Variants in DYM observed in about 807,000 individuals in gnomAD.
The protein encoded by DYM is dymeclin, also known as dyggve-Melchior-Clausen syndrome protein.
Under a neutral mutation model 93.1 loss-of-function variants are expected in DYM, and 78 were observed. That is an observed-to-expected ratio of 0.84 (90% CI 0.70 to 1.01). The LOEUF (loss-of-function observed/expected upper bound fraction) is 1.01. DYM is among the 50% of genes least tolerant of loss of function. The pLI is 0.00. For synonymous variants in DYM, 321 were observed against 319.7 expected (o/e 1.00, Z -0.04); for missense variants, 789 against 845.0 (o/e 0.93, Z 0.82).
At chr18:49,146,783 T>G (rs78909284) in intron 15 of DYM, among the ~76,000 whole-genome samples, 120,737 of 152,018 alleles carry the variant, frequency 0.79, 50,594 homozygotes, top group East Asian at 0.91. Context: ...AGGTAATTTA[T>G]AGATTCAATG....
At chr18:49,047,770 C>T (rs943135463) in intron 17 of DYM, among the ~76,000 whole-genome samples, 1 of 152,180 alleles carries the variant, frequency 6.6e-6, no homozygotes, top group African/African-American at 2.4e-5. Context: ...GTCATGGAAT[C>T]AGGTGTCTAA....
At chr18:49,076,224 T>C (rs968396761) in intron 17 of DYM, among the ~76,000 whole-genome samples, 11 of 152,208 alleles carry the variant, frequency 7.2e-5, no homozygotes, top group African/African-American at 2.4e-4. Context: ...AATATAAAAA[T>C]AGTAGCAATC....
chr18:49,225,516 G>A (rs2093496780), intron 13 of DYM, among the ~76,000 whole-genome samples: 1 of 152,012 alleles, frequency 6.6e-6, no homozygotes, highest in African/African-American at 2.4e-5. Flanking sequence ...ACATCCCACT[G>A]CCAGATTTAT....
At chr18:49,319,748 C>G (rs2062318381) in intron 8 of DYM, among the ~76,000 whole-genome samples, 1 of 152,174 alleles carries the variant, frequency 6.6e-6, no homozygotes, top group South Asian at 2.1e-4. Flanking sequence ...CCAGCTGAGA[C>G]CTTTCTGATG....
chr18:49,359,716 G>A (rs146425237), intron 6 of DYM: 1 of 152,146 alleles, frequency 6.6e-6, no homozygotes, highest in Non-Finnish European at 1.5e-5. Context: ...TACCCTCAGT[G>A]GCCATTAAAA....
chr18:49,203,267 CAGG>C (rs1184392671), intron 14 of DYM, among the ~76,000 whole-genome samples: 1 of 53,444 alleles, frequency 1.9e-5, no homozygotes, highest in African/African-American at 5.1e-5. Context: ...CCGCCCCGTC[CAGG>C]AGGTGAGGGG....
chr18:49,379,802 A>G, intron 3 of DYM, 44 bp from the exon 4 acceptor site: 1 of 1,445,184 alleles, frequency 6.9e-7, no homozygotes, highest in Middle Eastern at 2.0e-4. Context: ...TTTAAGAACT[A>G]AAATCAAAGT....
intron 15 of DYM, among the ~76,000 whole-genome samples, chr18:49,130,464 G>A (rs905139853): frequency 3.3e-5 from 5 of 152,198 alleles, no homozygotes; most frequent in African/African-American, 9.7e-5. Context: ...AGACACCTGA[G>A]TCCATAAGTC....
chr18:49,050,898 A>C (rs2072355558), intron 17 of DYM, among the ~76,000 whole-genome samples: 1 of 152,228 alleles, frequency 6.6e-6, no homozygotes, highest in Admixed American at 6.5e-5. Context: ...CTGACATCTT[A>C]AGGCACGTTT....
intron 1 of DYM, among the ~76,000 whole-genome samples, chr18:49,432,586 T>C (rs986584251): frequency 3.4e-5 from 5 of 147,344 alleles, no homozygotes; most frequent in African/African-American, 1.3e-4. Context: ...TCATAGCTAG[T>C]ACCAGCATTA....
At chr18:49,081,992 T>A (rs919597428) in intron 17 of DYM, among the ~76,000 whole-genome samples, 1 of 152,242 alleles carries the variant, frequency 6.6e-6, no homozygotes, top group Non-Finnish European at 1.5e-5. Context: ...TCAGAGCTGG[T>A]CTTAGTTCAG....
intron 2 of DYM, among the ~76,000 whole-genome samples, chr18:49,400,228 A>G (rs1265362183): frequency 1.3e-5 from 2 of 152,308 alleles, no homozygotes; most frequent in East Asian, 3.9e-4. Context: ...GGTGTGAGCC[A>G]TAGCACCCAG....
At chr18:49,162,613 T>G (rs1036231717) in intron 15 of DYM, among the ~76,000 whole-genome samples, 6 of 152,200 alleles carry the variant, frequency 3.9e-5, no homozygotes, top group Non-Finnish European at 7.3e-5. Flanking sequence ...AACATGAGTT[T>G]TGGATGGCAC....
chr18:49,180,185 AGTCT>A (rs2089785493), intron 14 of DYM, among the ~76,000 whole-genome samples: 1 of 152,158 alleles, frequency 6.6e-6, no homozygotes, highest in South Asian at 2.1e-4. Flanking sequence ...AGAATATACA[AGTCT>A]ATCTTTGTAA....
chr18:49,342,341 C>A (rs541656165), intron 6 of DYM, among the ~76,000 whole-genome samples: 1 of 152,268 alleles, frequency 6.6e-6, no homozygotes, highest in South Asian at 2.1e-4. Context: ...CTGGGCCCGA[C>A]AGGATAATGA....
At chr18:49,213,202 T>C (rs890009596) in intron 13 of DYM, among the ~76,000 whole-genome samples, 1 of 152,066 alleles carries the variant, frequency 6.6e-6, no homozygotes, top group African/African-American at 2.4e-5. Flanking sequence ...AGAGTAATGC[T>C]TAAAAAAGAT....
chr18:49,168,374 T>C lies in DYM; in HGVS notation c.1626-4587A>G, dbSNP rs540435070. On this transcript the variant is annotated intron_variant, in intron 14 of 17. Coordinates refer to ENST00000675505, the MANE Select transcript of DYM (RefSeq NM_001353214.3). ...TTTTAAAAATCTGATAAAAAGAACA[T>C]GCTATCTTGAAGAAAACAGAGCCCC... Among the ~76,000 whole-genome samples the C allele has an allele frequency of 1.1e-4, 17 of 152,306 alleles. No homozygotes were observed. In the South Asian group the frequency reaches 3.1e-3, roughly 28 times the overall value.
At chr18:49,304,979 C>G (rs1213826734) in intron 8 of DYM, among the ~76,000 whole-genome samples, 2 of 152,156 alleles carry the variant, frequency 1.3e-5, no homozygotes, top group African/African-American at 2.4e-5. Flanking sequence ...CACTACAATT[C>G]TGAATTCATG....
At chr18:49,311,605 T>C (rs1211787687) in intron 8 of DYM, among the ~76,000 whole-genome samples, 1 of 151,670 alleles carries the variant, frequency 6.6e-6, no homozygotes, top group Admixed American at 6.6e-5. Flanking sequence ...GAAACCATCA[T>C]TCTGAACAAA....
Sources: allele counts gnomAD v4.1 joint callset (sites outside exome capture counted in the v4.1 genomes callset), GRCh38; gene constraint gnomAD v4.1.1; transcripts MANE v1.5; gene names NCBI Gene and HGNC (gene_info 2026-07-23, HGNC 2026-07-21).